DHX35: variants seen among roughly 807,000 people sequenced by gnomAD.
DHX35 encodes the protein probable ATP-dependent RNA helicase DHX35.
Under a neutral mutation model 99.6 loss-of-function variants are expected in DHX35, and 84 were observed. The ratio of observed to expected loss-of-function variants is 0.84; its 90% CI spans 0.71 to 1.01. The LOEUF is 1.01. Ranked by LOEUF, DHX35 falls within the 50% of genes least tolerant of loss-of-function variation. The pLI is 0.00. For synonymous variants in DHX35, 331 were observed against 316.2 expected (o/e 1.05, Z -0.50); for missense variants, 852 against 888.5 (o/e 0.96, Z 0.52).
intron 8 of DHX35, among the ~76,000 whole-genome samples, chr20:38,997,046 T>TTCTA (rs1555822478): frequency 6.7e-6 from 1 of 148,910 alleles, no homozygotes; most frequent in Non-Finnish European, 1.5e-5. Flanking sequence ...CTTAGATTCA[T>TTCTA]TTTATTTATT....
chr20:38,992,438 T>A lies in DHX35; in HGVS notation c.582+13T>A, dbSNP rs1601397577. 6.2e-7 allele frequency: 1 copy of A among 1,613,598 alleles called. No homozygotes were observed. Among genetic ancestry groups the A allele is most frequent in the Non-Finnish European group, 8.5e-7 (1 of 1,179,492 alleles). On this transcript the variant is annotated intron_variant, in intron 7 of 21. Transcript: ENST00000252011. ...CTTGCTAAAAAAGGTATGACTTCAC[T>A]GCCAGCTTTTCATTGTGTGTGTTTA...
chr20:38,998,351 G>A (rs1208404322), intron 8 of DHX35, among the ~76,000 whole-genome samples: 1 of 152,198 alleles, frequency 6.6e-6, no homozygotes, highest in East Asian at 1.9e-4. Context: ...GCTGGGGTCA[G>A]GTCTCCACCC....
intron 8 of DHX35, among the ~76,000 whole-genome samples, chr20:38,996,649 A>G (rs2086434269): frequency 6.6e-6 from 1 of 152,180 alleles, no homozygotes; most frequent in Non-Finnish European, 1.5e-5. Context: ...CCTGGCTCCT[A>G]GTCTCCCTGT....
Position 38,962,407 on chromosome 20 carries a change from G to C in DHX35, c.40G>C (p.Gly14Arg). 1.2e-6 allele frequency: 2 copies of C among 1,612,526 alleles called. No homozygotes were observed. Among genetic ancestry groups the C allele is most frequent in the Non-Finnish European group, 1.7e-6 (2 of 1,179,246 alleles). Residue 14 changes from glycine (G) to arginine (R), a missense_variant and splice_region_variant, in exon 1 of 22, where the codon GGT becomes CGT. Physicochemically the swap from Gly to Arg is moderately radical, Grantham distance 125 (BLOSUM62 -2). Transcript: ENST00000252011. ...GGGACCGGTGAAGTTCTGGCGACCC[G>C]GTAAGGCCCTTGGTGGAACGCTGGG... The part of the protein sequence containing the change: ...PVGPVKFWRP[G>R]TEGPGVSISE...
intron 3 of DHX35, among the ~76,000 whole-genome samples, chr20:38,976,452 A>T (rs1214832492): frequency 6.8e-5 from 10 of 147,454 alleles, no homozygotes; most frequent in South Asian, 2.1e-4. Flanking sequence ...CTTTCATTTT[A>T]AAAAAAAACT....
chr20:38,998,083 A>G (rs746072779), intron 8 of DHX35, among the ~76,000 whole-genome samples: 11 of 152,254 alleles, frequency 7.2e-5, no homozygotes, highest in Non-Finnish European at 1.2e-4. Context: ...CTGATCGAAT[A>G]GCTGCTTTGG....
intron 15 of DHX35, among the ~76,000 whole-genome samples, chr20:39,019,535 G>A (rs189603290): frequency 1.8e-3 from 270 of 152,204 alleles, no homozygotes; most frequent in Middle Eastern, 3.4e-3. Context: ...GCCAGAAGTG[G>A]AATTACTAAA....
At chr20:39,006,438 T>C (rs2086620374) in intron 12 of DHX35, 82 bp downstream of exon 12, 14 of 1,461,190 alleles carry the variant, frequency 9.6e-6, no homozygotes, top group Non-Finnish European at 1.3e-5. Context: ...TTACTCCTAA[T>C]GGTAGAACTT....
chr20:39,027,046 G>A (rs1484786205), intron 18 of DHX35, among the ~76,000 whole-genome samples: 4 of 152,088 alleles, frequency 2.6e-5, no homozygotes, highest in Non-Finnish European at 2.9e-5. Context: ...GAGGGCTACC[G>A]GCCATTGTAG....
At chr20:38,984,508 G>A (rs2086221661) in intron 4 of DHX35, among the ~76,000 whole-genome samples, 1 of 152,044 alleles carries the variant, frequency 6.6e-6, no homozygotes, top group Non-Finnish European at 1.5e-5. Flanking sequence ...AGTGAAATAG[G>A]AGTAGCGACT....
intron 17 of DHX35, among the ~76,000 whole-genome samples, chr20:39,024,290 C>T (rs1336335120): frequency 6.6e-6 from 1 of 152,090 alleles, no homozygotes; most frequent in Non-Finnish European, 1.5e-5. Flanking sequence ...GCAAATAATA[C>T]AGCTTAAAGT....
chr20:39,015,079 T>C lies in DHX35; in HGVS notation c.1402+145T>C, dbSNP rs1018139064. 4.2e-6 allele frequency: 4 copies of C among 956,828 alleles called. No homozygotes were observed. In the South Asian group the frequency reaches 4.6e-5, roughly 11 times the overall value. 59.3% of individuals were successfully genotyped at this position (956,828 alleles called of 1,614,324 possible). A position where few individuals can be genotyped will look rare whatever the true frequency, so the allele number is the denominator to read the frequency against. ...ATATAATCCCCCTAATGATACTTTATTGAAATAGGAAGTTGGGACCATAAT... is the reference window on the plus strand; with the variant it reads ...ATATAATCCCCCTAATGATACTTTACTGAAATAGGAAGTTGGGACCATAAT... On this transcript the variant is annotated intron_variant, in intron 14 of 21. Coordinates refer to ENST00000252011, the MANE Select transcript of DHX35 (RefSeq NM_021931.4).
intron 12 of DHX35, among the ~76,000 whole-genome samples, chr20:39,009,614 T>A (rs1299284459): frequency 1.3e-5 from 2 of 152,178 alleles, no homozygotes; most frequent in Middle Eastern, 6.8e-3. Flanking sequence ...TTCCCCACCC[T>A]TCCTGCCTAG....
intron 2 of DHX35, among the ~76,000 whole-genome samples, chr20:38,970,279 A>G (rs2085974682): frequency 6.6e-6 from 1 of 152,180 alleles, no homozygotes; most frequent in Admixed American, 6.5e-5. Context: ...TTCCTCTTCT[A>G]TTAATGTGTT....
chr20:38,967,931 C>T (rs1356331192), intron 1 of DHX35, among the ~76,000 whole-genome samples: 1 of 152,070 alleles, frequency 6.6e-6, no homozygotes, highest in African/African-American at 2.4e-5. Flanking sequence ...AAAAGAGCCT[C>T]CCCCACCCCC....
Position 38,962,401 on chromosome 20 carries a change from C to G in DHX35, c.34C>G (p.Arg12Gly), listed in dbSNP as rs763374555. Residue 12 changes from arginine (R) to glycine (G), a missense_variant, in exon 1 of 22, where the codon CGA (arginine) becomes GGA (glycine). Physicochemically the swap from Arg to Gly is moderately radical, Grantham distance 125 (BLOSUM62 -2). Transcript: ENST00000252011. ...AAPVGPVKFW[R>G]PGTEGPGVSI... The stretch of plus-strand genomic sequence containing the variant: ...GCCCGTGGGACCGGTGAAGTTCTGG[C>G]GACCCGGTAAGGCCCTTGGTGGAAC... The G allele has an allele frequency of 3.1e-6, 5 of 1,612,692 alleles. No homozygotes were observed. The highest frequency in any genetic ancestry group is 4.2e-6 in the Non-Finnish European group (5 of 1,179,284).
At chr20:39,021,563 T>G (rs2086872124) in intron 15 of DHX35, among the ~76,000 whole-genome samples, 1 of 152,212 alleles carries the variant, frequency 6.6e-6, no homozygotes, top group Non-Finnish European at 1.5e-5. Context: ...TGGCGTGAAC[T>G]TGGCTCACTG....
chr20:39,008,859 T>A (rs1264126054), intron 12 of DHX35, among the ~76,000 whole-genome samples: 1 of 152,218 alleles, frequency 6.6e-6, no homozygotes, highest in Non-Finnish European at 1.5e-5. Context: ...AATGGCAACA[T>A]GCAGCTTCCC....
chr20:39,022,078 A>G (rs564769283), intron 16 of DHX35, 143 bp downstream of exon 16: 209 of 696,988 alleles, frequency 3.0e-4, no homozygotes, highest in Non-Finnish European at 4.3e-4. Flanking sequence ...TCCGTGCTTG[A>G]TGTTGTGTCA....
Sources: allele counts gnomAD v4.1 joint callset (sites outside exome capture counted in the v4.1 genomes callset), GRCh38; gene constraint gnomAD v4.1.1; transcripts MANE v1.5; gene names NCBI Gene and HGNC (gene_info 2026-07-23, HGNC 2026-07-21).